SGCZ: variants seen among roughly 807,000 people sequenced by gnomAD.
The protein encoded by SGCZ is zeta-sarcoglycan.
SGCZ carries 40 observed loss-of-function variants against 41.3 expected under a neutral mutation model. That is an observed-to-expected ratio of 0.97 (90% CI 0.75 to 1.26). The LOEUF (loss-of-function observed/expected upper bound fraction) is 1.26, where lower values mean the gene tolerates loss of function less well. Ranked by LOEUF, SGCZ falls within the 50% of genes most tolerant of loss-of-function variation. The probability of loss-of-function intolerance (pLI) is 0.00; values close to 1 mark genes in which losing one functional copy is unlikely to be tolerated. For synonymous variants in SGCZ, 206 were observed against 137.5 expected (o/e 1.50, Z -3.49); for missense variants, 552 against 369.8 (o/e 1.49, Z -4.04).
chr8:14,380,066 T>C (rs972608398), intron 2 of SGCZ, among the ~76,000 whole-genome samples: 91 of 152,286 alleles, frequency 6.0e-4, no homozygotes, highest in African/African-American at 1.9e-3. Context: ...TCTGACTATA[T>C]TAATATTGCT....
chr8:15,101,057 G>C (rs1176410437), intron 1 of SGCZ, among the ~76,000 whole-genome samples: 1 of 151,858 alleles, frequency 6.6e-6, no homozygotes, highest in Admixed American at 6.6e-5. Flanking sequence ...ACATCCACAT[G>C]CAAAATTGAA....
intron 3 of SGCZ, among the ~76,000 whole-genome samples, chr8:14,281,266 G>T (rs1585315311): frequency 6.6e-6 from 1 of 151,864 alleles, no homozygotes; most frequent in East Asian, 1.9e-4. Context: ...GAAATAATAA[G>T]TTTACATAAT....
At chr8:15,081,735 A>G (rs923726378) in intron 1 of SGCZ, among the ~76,000 whole-genome samples, 9 of 152,140 alleles carry the variant, frequency 5.9e-5, no homozygotes, top group Non-Finnish European at 1.2e-4. Context: ...AACAACACCA[A>G]TTTCCTTAAG....
intron 1 of SGCZ, among the ~76,000 whole-genome samples, chr8:14,834,630 T>A (rs1447890899): frequency 3.3e-5 from 5 of 152,208 alleles, no homozygotes; most frequent in Admixed American, 6.5e-5. Context: ...ATGGCCTTTT[T>A]ATGATCGCAC....
intron 1 of SGCZ, among the ~76,000 whole-genome samples, chr8:15,146,087 A>G (rs1317233551): frequency 6.6e-6 from 1 of 152,170 alleles, no homozygotes; most frequent in Non-Finnish European, 1.5e-5. Flanking sequence ...AAAAGAAGAA[A>G]TGATTCATAA....
At chr8:14,967,598 C>A (rs538949219) in intron 1 of SGCZ, among the ~76,000 whole-genome samples, 2 of 152,262 alleles carry the variant, frequency 1.3e-5, no homozygotes, top group Non-Finnish European at 2.9e-5. Flanking sequence ...AAGCTGAACT[C>A]ACTGTACTTT....
At position 14,098,938 on chromosome 8, in the gene SGCZ, AG is replaced by A. The variant is rs145027764; in HGVS notation, c.744+3437del. The stretch of plus-strand genomic sequence containing the variant: ...TGTTCTCTGGTTCTCCCATCCATTT[AG>A]GGGCTGCTTTAGATTGTATTCGGCT... On this transcript the variant is annotated intron_variant, in intron 7 of 7. Coordinates refer to ENST00000382080, the MANE Select transcript of SGCZ (RefSeq NM_139167.4). Among the ~76,000 whole-genome samples the A allele has an allele frequency of 8.1e-3, 1,230 of 152,276 alleles. 9 individuals are homozygous for A. Among genetic ancestry groups the A allele is most frequent in the African/African-American group, 0.026 (1,090 of 41,566 alleles).
intron 1 of SGCZ, among the ~76,000 whole-genome samples, chr8:15,026,110 A>G (rs1803447583): frequency 3.3e-5 from 5 of 151,960 alleles, no homozygotes; most frequent in Admixed American, 3.3e-4. Context: ...TAGTATTCCA[A>G]TAAGGTTTGT....
At chr8:14,275,491 T>C (rs1282543404) in intron 3 of SGCZ, among the ~76,000 whole-genome samples, 1 of 152,158 alleles carries the variant, frequency 6.6e-6, no homozygotes, top group Non-Finnish European at 1.5e-5. Flanking sequence ...GGGAGGCATA[T>C]TCCCTTTCTC....
chr8:14,556,243 T>C (rs1282453968), intron 1 of SGCZ, among the ~76,000 whole-genome samples: 1 of 151,626 alleles, frequency 6.6e-6, no homozygotes, highest in Admixed American at 6.6e-5. Flanking sequence ...CATTATTATC[T>C]CTTCAGTTTT....
At chr8:14,297,580 A>C in intron 3 of SGCZ, among the ~76,000 whole-genome samples, 1 of 152,128 alleles carries the variant, frequency 6.6e-6, no homozygotes, top group Admixed American at 6.5e-5. Context: ...ACAATAATAT[A>C]GAGCACATTA....
Position 15,077,247 on chromosome 8 carries a change from T to C in SGCZ, c.39+160338A>G, listed in dbSNP as rs549037742. On this transcript the variant is annotated intron_variant, in intron 1 of 7. Transcript: ENST00000382080. ...AGTGTTAAGTACAATTATAAAACCA[T>C]TTAAAAATATGAATCTGACAAGAAA... 2.6e-5 allele frequency among the ~76,000 whole-genome samples: 4 copies of C among 152,284 alleles called. No individual in the cohort carries two copies. In the South Asian group the frequency reaches 8.3e-4, roughly 32 times the overall value.
At chr8:14,513,991 C>A (rs1802538636) in intron 2 of SGCZ, among the ~76,000 whole-genome samples, 1 of 152,030 alleles carries the variant, frequency 6.6e-6, no homozygotes, top group African/African-American at 2.4e-5. Flanking sequence ...GATATATTTG[C>A]AATATTTCAG....
intron 3 of SGCZ, among the ~76,000 whole-genome samples, chr8:14,271,148 GTAAC>G (rs1563225706): frequency 6.6e-6 from 1 of 151,818 alleles, no homozygotes; most frequent in Admixed American, 6.6e-5. Context: ...GTATACATAT[GTAAC>G]TAACCTGCAC....
intron 1 of SGCZ, among the ~76,000 whole-genome samples, chr8:14,778,950 C>T (rs1482495544): frequency 6.6e-6 from 1 of 152,160 alleles, no homozygotes; most frequent in Non-Finnish European, 1.5e-5. Context: ...ACTCCATGAC[C>T]TAGCATCACA....
intron 1 of SGCZ, among the ~76,000 whole-genome samples, chr8:14,732,660 C>T (rs1798901642): frequency 1.3e-5 from 2 of 152,280 alleles, no homozygotes; most frequent in African/African-American, 2.4e-5. Flanking sequence ...TGCAGGGATT[C>T]TGACAAGTTA....
intron 4 of SGCZ, 50 bp downstream of exon 4, chr8:14,237,542 A>G (rs1806809147): frequency 3.9e-6 from 6 of 1,527,816 alleles, no homozygotes; most frequent in South Asian, 1.2e-5. Context: ...AAAAACAACA[A>G]CAAAAAAAAC....
chr8:15,019,167 A>T (rs1216199427), intron 1 of SGCZ, among the ~76,000 whole-genome samples: 1 of 152,214 alleles, frequency 6.6e-6, no homozygotes, highest in Non-Finnish European at 1.5e-5. Flanking sequence ...AAACAGATCC[A>T]AACCATATCA....
intron 2 of SGCZ, among the ~76,000 whole-genome samples, chr8:14,513,721 C>T (rs1216978948): frequency 2.0e-5 from 3 of 151,894 alleles, no homozygotes; most frequent in Non-Finnish European, 4.4e-5. Flanking sequence ...CAGAAAACTC[C>T]CCTTCAGAAA....
Sources: allele counts gnomAD v4.1 joint callset (sites outside exome capture counted in the v4.1 genomes callset), GRCh38; gene constraint gnomAD v4.1.1; transcripts MANE v1.5; gene names NCBI Gene and HGNC (gene_info 2026-07-23, HGNC 2026-07-21).